Variants in ANKFN1 observed in about 807,000 individuals in gnomAD.
ANKFN1 encodes the protein ankyrin repeat and fibronectin type III domain containing 1, also known as ankyrin repeat and fibronectin type-III domain-containing protein 1.
In ANKFN1, 74 loss-of-function variants were observed where a neutral mutation model predicts 108.7. That is an observed-to-expected ratio of 0.68 (90% CI 0.56 to 0.83). ANKFN1 has a LOEUF of 0.83. Among genes scored for constraint, ANKFN1 ranks in the 40% least tolerant of loss-of-function variants. ANKFN1 has a pLI of 0.00. For missense variants in ANKFN1, 1,505 were observed against 1,382.3 expected, an observed-to-expected ratio of 1.09 and a Z score of -1.41; for synonymous variants, 547 against 516.2, an observed-to-expected ratio of 1.06 and a Z score of -0.81.
At chr17:56,466,075 T>TACAGA (rs1276185810) in intron 14 of ANKFN1, among the ~76,000 whole-genome samples, 1 of 152,244 alleles carries the variant, frequency 6.6e-6, no homozygotes, top group African/African-American at 2.4e-5. Context: ...AAGAAATATG[T>TACAGA]ACAGATACTG....
At chr17:56,072,579 G>C (rs1905132988) in intron 4 of ANKFN1, among the ~76,000 whole-genome samples, 1 of 152,172 alleles carries the variant, frequency 6.6e-6, no homozygotes, top group Non-Finnish European at 1.5e-5. Context: ...CGTTTTGTCT[G>C]TCTCTTTTCC....
At position 56,052,831 on chromosome 17, in the gene ANKFN1, G is replaced by A. The variant is rs931663894; in HGVS notation, c.288+6506G>A. On this transcript the variant is annotated intron_variant, in intron 4 of 12. Coordinates refer to the ANKFN1 transcript ENST00000635860. ...TACCAGAGAGTAGATGGGGTCTCAC[G>A]TATGCCAGCCAGCAGATAAGAAGGC... 7.2e-5 allele frequency among the ~76,000 whole-genome samples: 11 copies of A among 152,216 alleles called. 1 individual carries two copies. The highest frequency in any genetic ancestry group is 6.5e-4 in the Admixed American group (10 of 15,284).
At chr17:56,334,222 C>G (rs1315219343) in intron 4 of ANKFN1, among the ~76,000 whole-genome samples, 2 of 151,688 alleles carry the variant, frequency 1.3e-5, no homozygotes, top group Non-Finnish European at 2.9e-5. Flanking sequence ...AGTGTGCATA[C>G]TGAATATTCC....
At chr17:56,399,969 T>A (rs1368583527) in intron 8 of ANKFN1, among the ~76,000 whole-genome samples, 1 of 149,994 alleles carries the variant, frequency 6.7e-6, no homozygotes, top group Non-Finnish European at 1.5e-5. Flanking sequence ...CACAATTTTT[T>A]TAATCCACTT....
intron 1 of ANKFN1, among the ~76,000 whole-genome samples, chr17:56,186,829 C>T (rs61212901): frequency 0.028 from 4,239 of 152,092 alleles, 215 homozygotes; most frequent in African/African-American, 0.097. Flanking sequence ...AAACAAGAAA[C>T]GGGGAAAGGA....
intron 8 of ANKFN1, among the ~76,000 whole-genome samples, chr17:56,375,214 A>C (rs1428554511): frequency 2.6e-5 from 4 of 152,154 alleles, no homozygotes; most frequent in Non-Finnish European, 5.9e-5. Context: ...AGGGTTCCCT[A>C]GGGTGGAGGT....
chr17:56,186,541 G>C (rs1912229991), intron 1 of ANKFN1, among the ~76,000 whole-genome samples: 1 of 152,156 alleles, frequency 6.6e-6, no homozygotes, highest in Admixed American at 6.5e-5. Flanking sequence ...TGACGCAAAA[G>C]AGCAAAAATG....
chr17:56,372,252 C>T (rs2046829847), intron 6 of ANKFN1, among the ~76,000 whole-genome samples: 1 of 152,160 alleles, frequency 6.6e-6, no homozygotes, highest in African/African-American at 2.4e-5. Flanking sequence ...TTCCTAGGGT[C>T]TTCCTGGCCA....
At chr17:56,354,411 C>CTTCATTCATTCATTCA (rs149400397) in intron 6 of ANKFN1, among the ~76,000 whole-genome samples, 2 of 151,944 alleles carry the variant, frequency 1.3e-5, no homozygotes, top group African/African-American at 4.8e-5. Flanking sequence ...AATGCGGTGG[C>CTTCATTCATTCATTCA]TTCATTCATT....
chr17:56,500,692 T>C (rs948109209), intron 20 of ANKFN1, among the ~76,000 whole-genome samples: 3 of 152,280 alleles, frequency 2.0e-5, no homozygotes, highest in East Asian at 3.9e-4. Flanking sequence ...ATTGTACAAC[T>C]GTTTGTAGTT....
intron 4 of ANKFN1, among the ~76,000 whole-genome samples, chr17:56,052,227 G>A (rs1382695320): frequency 1.3e-5 from 2 of 152,172 alleles, no homozygotes; most frequent in Non-Finnish European, 2.9e-5. Flanking sequence ...CAGAGATATA[G>A]ATAAATGATT....
chr17:56,114,918 G>A (rs1232006830), intron 4 of ANKFN1, among the ~76,000 whole-genome samples: 1 of 152,192 alleles, frequency 6.6e-6, no homozygotes, highest in African/African-American at 2.4e-5. Context: ...GATGGAGGAA[G>A]GGGCCATGGG....
chr17:56,167,005 G>T (rs893844616), intron 1 of ANKFN1, among the ~76,000 whole-genome samples: 23 of 151,854 alleles, frequency 1.5e-4, no homozygotes, highest in African/African-American at 5.3e-4. Flanking sequence ...AGCCCCTAGT[G>T]CTGTGCCTGG....
At chr17:56,432,127 TA>T (rs1426440778) in intron 8 of ANKFN1, among the ~76,000 whole-genome samples, 1 of 152,214 alleles carries the variant, frequency 6.6e-6, no homozygotes, top group African/African-American at 2.4e-5. Context: ...CACTGGGTTT[TA>T]AAAGAGTTCT....
At chr17:56,432,193 T>C (rs1212749052) in intron 8 of ANKFN1, among the ~76,000 whole-genome samples, 2 of 152,190 alleles carry the variant, frequency 1.3e-5, no homozygotes, top group Non-Finnish European at 2.9e-5. Context: ...ACTTTTTTCA[T>C]GAACAAAAAT....
chr17:56,510,800 G>T lies in ANKFN1; in HGVS notation c.2972G>T (p.Arg991Leu). Reference sequence around the variant, plus strand: ...CACGCCAAGACTGTGTCCGGTGGGCGGCCCCCGCTAGGCTTCCTGGGAAAG... The same window carrying T: ...CACGCCAAGACTGTGTCCGGTGGGCTGCCCCCGCTAGGCTTCCTGGGAAAG... ...KNHAKTVSGG[R>L]PPLGFLGKRK... is the part of the protein sequence containing the mutation. Residue 991 changes from arginine to leucine, a missense_variant, in exon 21 of 21, where the codon CGG (arginine) becomes CTG (leucine). Coordinates refer to ENST00000682825, the MANE Select transcript of ANKFN1 (RefSeq NM_001370326.1). The T allele has an allele frequency of 6.5e-7, 1 of 1,536,126 alleles. No homozygotes were observed. Among genetic ancestry groups the T allele is most frequent in the Non-Finnish European group, 8.7e-7 (1 of 1,146,902 alleles).
chr17:56,267,732 C>G (rs1455912080), intron 3 of ANKFN1, among the ~76,000 whole-genome samples: 1 of 151,978 alleles, frequency 6.6e-6, no homozygotes, highest in Non-Finnish European at 1.5e-5. Context: ...CTGGGTTTTC[C>G]AACTTATTTC....
chr17:56,214,961 G>A (rs1337355612), intron 2 of ANKFN1, among the ~76,000 whole-genome samples: 4 of 152,234 alleles, frequency 2.6e-5, no homozygotes, highest in Non-Finnish European at 5.9e-5. Flanking sequence ...TTTTGGGGCA[G>A]TAACCCTTTC....
chr17:56,482,584 A>G lies in ANKFN1; in HGVS notation c.2260+60A>G, dbSNP rs776472506. ...CAGCCTCCTTATAATAAAATCACAA[A>G]GTTATATCTGTTCCCCCTTGTCCCA... On this transcript the variant is annotated intron_variant, in intron 18 of 20. Transcript: ENST00000682825. 3.2e-6 allele frequency: 5 copies of G among 1,562,778 alleles called. No homozygotes were observed. In the East Asian group the frequency reaches 6.8e-5, roughly 21 times the overall value.
Sources: allele counts gnomAD v4.1 joint callset (sites outside exome capture counted in the v4.1 genomes callset), GRCh38; gene constraint gnomAD v4.1.1; transcripts MANE v1.5; gene names NCBI Gene and HGNC (gene_info 2026-07-23, HGNC 2026-07-21).